The following PKP4 variants were observed in gnomAD, a reference collection of about 807,000 sequenced individuals.
PKP4 encodes plakophilin 4.
PKP4 carries 90 observed loss-of-function variants against 145.1 expected under a neutral mutation model. That is an observed-to-expected ratio of 0.62 (90% confidence interval 0.52 to 0.74). The LOEUF (loss-of-function observed/expected upper bound fraction) is 0.74, where lower values mean the gene tolerates loss of function less well. PKP4 is among the 30% of genes least tolerant of loss of function. The pLI, the probability that PKP4 is intolerant of heterozygous loss-of-function variation, is 0.00. For synonymous variants in PKP4, 563 were observed against 577.2 expected (o/e 0.98, Z 0.35); for missense variants, 1,340 against 1,482.7 (o/e 0.90, Z 1.58).
intron 11 of PKP4, among the ~76,000 whole-genome samples, chr2:158,653,725 A>G (rs1159072011): frequency 6.6e-6 from 1 of 152,228 alleles, no homozygotes; most frequent in East Asian, 1.9e-4. Flanking sequence ...CCAGGAGATA[A>G]TGGAGTATGG....
chr2:158,493,270 A>G lies in PKP4; in HGVS notation c.-6+36052A>G, dbSNP rs138116011. 2.9e-3 allele frequency among the ~76,000 whole-genome samples: 448 copies of G among 152,238 alleles called. 1 individual carries two copies. The highest frequency in any genetic ancestry group is 6.5e-3 in the Admixed American group (99 of 15,292). ...ATGACAGATCATAATTTTTTATTAA[A>G]TTACTATTTATTGTTTCCATTATTT... On this transcript the variant is annotated intron_variant, in intron 1 of 21. Transcript: ENST00000389759.
intron 13 of PKP4, 45 bp from the exon 14 acceptor site, chr2:158,662,852 T>C: frequency 6.6e-7 from 1 of 1,518,424 alleles, no homozygotes; most frequent in Non-Finnish European, 8.9e-7. Context: ...TGTTTTGCTC[T>C]AATGTGCCGA....
Position 158,533,459 on chromosome 2 carries a change from T to C in PKP4, c.132+143T>C, listed in dbSNP as rs141769688. ...TAAGGTGTTTACATCCCTGAGTACA[T>C]TGGGATGACTGGCATGTAGAGCCGC... On this transcript the variant is annotated intron_variant, in intron 2 of 21. Transcript: ENST00000389759. 1.1e-3 allele frequency: 1,115 copies of C among 980,606 alleles called. 1 individual carries two copies. The highest frequency in any genetic ancestry group is 5.2e-3 in the East Asian group (193 of 37,426). 60.7% of individuals were successfully genotyped at this position (980,606 alleles called of 1,614,324 possible).
chr2:158,605,316 C>A (rs772076704), intron 4 of PKP4, among the ~76,000 whole-genome samples: 4 of 152,040 alleles, frequency 2.6e-5, no homozygotes, highest in Non-Finnish European at 5.9e-5. Context: ...AAATGCCCAA[C>A]CTTTAGAAGG....
chr2:158,604,261 C>T (rs147140403), intron 4 of PKP4, among the ~76,000 whole-genome samples: 5 of 152,218 alleles, frequency 3.3e-5, no homozygotes, highest in Admixed American at 1.3e-4. Context: ...AGAGACAACA[C>T]AAGTGTCACG....
chr2:158,603,077 G>A lies in PKP4; in HGVS notation c.253G>A (p.Glu85Lys), dbSNP rs2050359126. 1.3e-6 allele frequency: 2 copies of A among 1,491,710 alleles called. No individual in the cohort carries two copies. The highest frequency in any genetic ancestry group is 1.8e-6 in the Non-Finnish European group (2 of 1,102,836). The allele number at this position is 1,491,710 out of a possible 1,614,324, so 92.4% of individuals were successfully genotyped here. A position where few individuals can be genotyped will look rare whatever the true frequency, so the allele number is the denominator to read the frequency against. The change falls in exon 4 of 22, where the codon GAG (glutamate) becomes AAG (lysine). Residue 85 changes from glutamate (E) to lysine (K), a missense_variant. Coordinates refer to ENST00000389759, the MANE Select transcript of PKP4 (RefSeq NM_003628.6). ...TTCTTTCTTTTTCTTTAGCTCAACT[G>A]AGAAGTCATTTCCTTGGAGATCAAC... Reference protein sequence around the residue: ...SPSIASTSSTEKSFPWRSTDV... With the variant: ...SPSIASTSSTKKSFPWRSTDV...
intron 1 of PKP4, among the ~76,000 whole-genome samples, chr2:158,513,675 C>A (rs2041706889): frequency 1.3e-5 from 2 of 152,208 alleles, no homozygotes; most frequent in Admixed American, 1.3e-4. Context: ...ACATTACCAC[C>A]TTCACTGGGA....
intron 2 of PKP4, among the ~76,000 whole-genome samples, chr2:158,560,427 C>T (rs1008084344): frequency 1.3e-5 from 2 of 151,394 alleles, no homozygotes; most frequent in Admixed American, 6.6e-5. Flanking sequence ...GAGGAAAGAA[C>T]AAAAAATGAC....
intron 21 of PKP4, chr2:158,679,388 C>T (rs2058281314): frequency 6.6e-6 from 1 of 152,158 alleles, no homozygotes; most frequent in Non-Finnish European, 1.5e-5. Flanking sequence ...GTCATCTTTT[C>T]TCTGTAGGTG....
intron 8 of PKP4, among the ~76,000 whole-genome samples, chr2:158,632,857 T>G (rs1574878839): frequency 6.6e-6 from 1 of 152,206 alleles, no homozygotes; most frequent in Non-Finnish European, 1.5e-5. Context: ...TCGCTTTTCC[T>G]TATGTCTGTA....
At chr2:158,674,021 C>G (rs538649738) in intron 19 of PKP4, 21 bp downstream of exon 19, 1 of 1,264,082 alleles carries the variant, frequency 7.9e-7, no homozygotes, top group Non-Finnish European at 1.2e-6. Flanking sequence ...AAATGCCACT[C>G]CTTGGCGAGA....
chr2:158,477,852 ATC>A (rs1047247621), intron 1 of PKP4, among the ~76,000 whole-genome samples: 59 of 152,298 alleles, frequency 3.9e-4, no homozygotes, highest in African/African-American at 1.4e-3. Flanking sequence ...CAAGACACTC[ATC>A]TCTCAAAAAA....
chr2:158,495,182 C>T (rs532786173), intron 1 of PKP4, among the ~76,000 whole-genome samples: 13 of 151,978 alleles, frequency 8.6e-5, no homozygotes, highest in African/African-American at 2.9e-4. Flanking sequence ...TGCACCATTG[C>T]ATTGCAGCCC....
chr2:158,463,552 C>A (rs1323275366), intron 1 of PKP4, among the ~76,000 whole-genome samples: 1 of 152,130 alleles, frequency 6.6e-6, no homozygotes, highest in Non-Finnish European at 1.5e-5. Flanking sequence ...GGCTCTAGTT[C>A]TAGTCCTGGC....
At chr2:158,548,104 G>A (rs1041806299) in intron 2 of PKP4, among the ~76,000 whole-genome samples, 1 of 152,140 alleles carries the variant, frequency 6.6e-6, no homozygotes, top group Non-Finnish European at 1.5e-5. Flanking sequence ...ACAATTAACT[G>A]CCTGTGGAGT....
chr2:158,615,898 A>G (rs528161208), intron 4 of PKP4, among the ~76,000 whole-genome samples: 1 of 152,300 alleles, frequency 6.6e-6, no homozygotes, highest in Non-Finnish European at 1.5e-5. Context: ...TGCCTGATTA[A>G]TATTGATAAG....
At chr2:158,543,928 T>C (rs1252016208) in intron 2 of PKP4, among the ~76,000 whole-genome samples, 1 of 152,172 alleles carries the variant, frequency 6.6e-6, no homozygotes, top group African/African-American at 2.4e-5. Flanking sequence ...GGTGATGACA[T>C]GTGTACCTCA....
At chr2:158,641,055 G>A (rs187395068) in intron 10 of PKP4, among the ~76,000 whole-genome samples, 5 of 152,160 alleles carry the variant, frequency 3.3e-5, no homozygotes, top group African/African-American at 9.6e-5. Flanking sequence ...AAATATTTTA[G>A]GCCAGGCACA....
intron 4 of PKP4, among the ~76,000 whole-genome samples, chr2:158,603,909 A>C (rs1202855293): frequency 3.3e-5 from 5 of 152,326 alleles, no homozygotes; most frequent in Middle Eastern, 6.8e-3. Flanking sequence ...CCAGTATCTG[A>C]GTTTATCTAA....
Sources: gnomAD v4.1 joint callset for allele counts (sites outside exome capture counted in the v4.1 genomes callset) on GRCh38, gnomAD v4.1.1 for gene constraint, MANE v1.5 for transcripts, NCBI Gene and HGNC (gene_info 2026-07-23, HGNC 2026-07-21) for gene names.